Variants in MCM8 observed in about 807,000 individuals in gnomAD.
The protein encoded by MCM8 is minichromosome maintenance 8 homologous recombination repair factor, also known as DNA helicase MCM8.
A neutral mutation model predicts 98.9 loss-of-function variants in MCM8; 85 were observed. The observed-to-expected ratio is 0.86, with a 90% CI of 0.72 to 1.03. The LOEUF is 1.03. Ranked by LOEUF, MCM8 falls within the 50% of genes least tolerant of loss-of-function variation. The pLI is 0.00. For missense variants in MCM8, 951 were observed against 997.8 expected, an observed-to-expected ratio of 0.95 and a Z score of 0.63; for synonymous variants, 352 against 338.6, an observed-to-expected ratio of 1.04 and a Z score of -0.44.
intron 8 of MCM8, among the ~76,000 whole-genome samples, 193 bp downstream of exon 8, chr20:5,963,552 G>A (rs1216596616): frequency 6.5e-5 from 9 of 139,192 alleles, no homozygotes; most frequent in Admixed American, 2.3e-4. Flanking sequence ...TTTTTGAGAC[G>A]GAGTCTTGCT....
intron 3 of MCM8, 102 bp from the exon 4 acceptor site, chr20:5,954,506 G>GA: frequency 1.8e-6 from 1 of 545,464 alleles, no homozygotes; most frequent in African/African-American, 1.9e-5. Flanking sequence ...AAAGCAATTA[G>GA]AAAAAAATCA....
rs990615404 is a variant in MCM8, at chr20:5,968,545, T to TA, written c.1223+533dup. Among the ~76,000 whole-genome samples, 490 of 146,520 alleles carry TA rather than the reference T, an allele frequency of 3.3e-3. 3 individuals carry two copies. The highest frequency in any genetic ancestry group is 9.6e-3 in the African/African-American group (386 of 40,270). On this transcript the variant is annotated intron_variant, in intron 10 of 18. Transcript: ENST00000610722. ...GGCAACAAGAGTGAAACTCTGTCTTTAAAAAAAAAAAAATTCTGATTTCAG... is the reference window on the plus strand; with the variant it reads ...GGCAACAAGAGTGAAACTCTGTCTTTAAAAAAAAAAAAAATTCTGATTTCAG...
chr20:5,960,205 C>G (rs1318676232), intron 7 of MCM8, among the ~76,000 whole-genome samples: 1 of 152,124 alleles, frequency 6.6e-6, no homozygotes, highest in Non-Finnish European at 1.5e-5. Flanking sequence ...CTTTTCATAT[C>G]TTTACTGGCC....
At chr20:5,982,340 A>G (rs1044728692) in intron 13 of MCM8, among the ~76,000 whole-genome samples, 15 of 152,176 alleles carry the variant, frequency 9.9e-5, no homozygotes, top group African/African-American at 3.6e-4. Context: ...AGCCCTTCAG[A>G]TGTGACCCCC....
intron 1 of MCM8, among the ~76,000 whole-genome samples, chr20:5,951,803 C>G (rs1183061043): frequency 6.6e-5 from 10 of 152,120 alleles, no homozygotes; most frequent in Non-Finnish European, 1.5e-5. Context: ...AGTTATTAAA[C>G]TATTATGGTA....
chr20:5,972,510 G>GA (rs1421055978), intron 11 of MCM8: 18 of 302,262 alleles, frequency 6.0e-5, no homozygotes, highest in African/African-American at 3.4e-4. Context: ...CTCCTTTTAA[G>GA]AAAAAACTTT....
At chr20:5,952,565 A>C in intron 3 of MCM8, 37 bp downstream of exon 3, 1 of 1,538,344 alleles carries the variant, frequency 6.5e-7, no homozygotes, top group South Asian at 1.1e-5. Context: ...ACCATAAATC[A>C]TATTTTCTTA....
chr20:5,963,727 G>A (rs1195766099), intron 8 of MCM8, among the ~76,000 whole-genome samples: 1 of 151,882 alleles, frequency 6.6e-6, no homozygotes, highest in Non-Finnish European at 1.5e-5. Context: ...GTTTAGTTTA[G>A]AGGTTTCACC....
chr20:5,972,080 T>C, intron 11 of MCM8, 43 bp downstream of exon 11: 1 of 1,494,096 alleles, frequency 6.7e-7, no homozygotes, highest in Non-Finnish European at 9.2e-7. Flanking sequence ...TATATAAGGT[T>C]AGCAAAAATA....
chr20:5,968,843 G>T (rs1361080014), intron 10 of MCM8, among the ~76,000 whole-genome samples: 1 of 152,222 alleles, frequency 6.6e-6, no homozygotes, highest in Non-Finnish European at 1.5e-5. Flanking sequence ...TCTGTGTAGG[G>T]TGTTGCTCAT....
rs564387051 is a variant in MCM8 at position 5,960,360 on chromosome 20, A to C, written c.789+1634A>C. 4.8e-3 allele frequency among the ~76,000 whole-genome samples: 736 copies of C among 152,194 alleles called. 7 individuals are homozygous for C. Among genetic ancestry groups the C allele is most frequent in the African/African-American group, 0.016 (670 of 41,494 alleles). On this transcript the variant is annotated intron_variant, in intron 7 of 18. Transcript: ENST00000610722. ...TAGTGACATGATCATAGCTCATTAC[A>C]ACCTTGAACTCCTGGGCTCAGGTGA... is the stretch of plus-strand genomic sequence containing the variant.
intron 14 of MCM8, among the ~76,000 whole-genome samples, chr20:5,984,359 T>C (rs1030555472): frequency 2.6e-5 from 4 of 152,222 alleles, no homozygotes; most frequent in African/African-American, 4.8e-5. Flanking sequence ...AGTTTTTCTT[T>C]AGTAAAATGA....
rs774482954 is a variant in MCM8, at chr20:5,957,152, T to A, written c.513T>A (p.His171Gln). 2.5e-6 allele frequency: 4 copies of A among 1,613,556 alleles called. No homozygotes were observed. In the South Asian group the frequency reaches 4.4e-5, roughly 18 times the overall value. ...TGTTAACTAAGGACCTTGAAAGGCATGCAGCTGAGTTACAAGCCCAGGAAG... is the reference window on the plus strand; with the variant it reads ...TGTTAACTAAGGACCTTGAAAGGCAAGCAGCTGAGTTACAAGCCCAGGAAG... ...HQVLTKDLER[H>Q]AAELQAQEGL... The change falls in exon 6 of 19, where the codon CAT (histidine) becomes CAA (glutamine). Residue 171 changes from histidine (H) to glutamine (Q), a missense_variant. Physicochemically the swap from His to Gln is conservative, Grantham distance 24 (BLOSUM62 0). Coordinates refer to ENST00000610722, the MANE Select transcript of MCM8 (RefSeq NM_032485.6).
chr20:5,951,989 C>A, intron 1 of MCM8, 22 bp from the exon 2 acceptor site: 1 of 1,590,756 alleles, frequency 6.3e-7, no homozygotes, highest in East Asian at 2.2e-5. Flanking sequence ...TGGTGAAGAC[C>A]TTTTTAATAT....
At chr20:5,955,903 C>T (rs527836827) in intron 5 of MCM8, among the ~76,000 whole-genome samples, 4 of 152,016 alleles carry the variant, frequency 2.6e-5, no homozygotes, top group South Asian at 2.1e-4. Flanking sequence ...CTCAGCCTCC[C>T]GAGTGGCTGG....
chr20:5,973,144 C>T lies in MCM8; in HGVS notation c.1343C>T (p.Pro448Leu), dbSNP rs1168101516. Residue 448 changes from proline to leucine, a missense_variant, in exon 12 of 19, where the codon CCC becomes CTC. Transcript: ENST00000610722. ...DKNRIPIRGD[P>L]HILVVGDPGL... ...AACAGAATTCCAATTCGGGGAGACCCCCACATCCTTGTTGTTGGAGATCCA... is the reference window on the plus strand; with the variant it reads ...AACAGAATTCCAATTCGGGGAGACCTCCACATCCTTGTTGTTGGAGATCCA... 2.5e-6 allele frequency: 4 copies of T among 1,614,170 alleles called. No individual in the cohort carries two copies. Among genetic ancestry groups the T allele is most frequent in the Non-Finnish European group, 3.4e-6 (4 of 1,180,016 alleles).
Position 5,963,122 on chromosome 20 carries a change from G to C in MCM8, c.790-152G>C, listed in dbSNP as rs2089190004. 9.4e-5 allele frequency: 59 copies of C among 624,750 alleles called. No individual in the cohort carries two copies. The South Asian group carries it at 1.1e-3, about 11-fold the overall frequency. The allele number at this position is 624,750 out of a possible 1,614,324, so 38.7% of individuals were successfully genotyped here. A position where few individuals can be genotyped will look rare whatever the true frequency, so the allele number is the denominator to read the frequency against. On this transcript the variant is annotated intron_variant, in intron 7 of 18. Transcript: ENST00000610722. ...TATTAAATTGTTGCAGGAGGAAATA[G>C]AAAGTCATTAATCTCTCAGTGGATT... is the stretch of plus-strand genomic sequence containing the variant.
At chr20:5,992,354 G>C (rs1426967053) in intron 17 of MCM8, among the ~76,000 whole-genome samples, 1 of 152,134 alleles carries the variant, frequency 6.6e-6, no homozygotes, top group Non-Finnish European at 1.5e-5. Context: ...AACCTAATAA[G>C]AATGTTTTTT....
Position 5,990,802 on chromosome 20 carries a change from ACTT to A in MCM8, c.2241-2700_2241-2698del, listed in dbSNP as rs1266829436. On this transcript the variant is annotated intron_variant, in intron 17 of 18. Coordinates refer to ENST00000610722, the MANE Select transcript of MCM8 (RefSeq NM_032485.6). ...AAAAAAACAAAGACCAAAAATAGGC[ACTT>A]CTTATTTAATGATGAGAAGTTGCTT... 3 of 152,270 alleles carry A rather than the reference ACTT, an allele frequency of 2.0e-5. No individual in the cohort carries two copies. The South Asian group carries it at 6.2e-4, about 32-fold the overall frequency. The allele number at this position is 152,270 out of a possible 1,614,324, so 9.4% of individuals were successfully genotyped here. A position where few individuals can be genotyped will look rare whatever the true frequency, so the allele number is the denominator to read the frequency against.
Sources: gnomAD v4.1 joint callset for allele counts (sites outside exome capture counted in the v4.1 genomes callset) on GRCh38, gnomAD v4.1.1 for gene constraint, MANE v1.5 for transcripts, NCBI Gene and HGNC (gene_info 2026-07-23, HGNC 2026-07-21) for gene names.